Variants in SYT2 observed in about 807,000 individuals in gnomAD.
SYT2 encodes synaptotagmin 2.
In SYT2, 15 loss-of-function variants were observed where a neutral mutation model predicts 39.9. The ratio of observed to expected loss-of-function variants is 0.38; its 90% CI spans 0.25 to 0.58. SYT2 has a LOEUF of 0.58. Ranked by LOEUF, SYT2 falls within the 20% of genes least tolerant of loss-of-function variation. The pLI, the probability that SYT2 is intolerant of heterozygous loss-of-function variation, is 0.70. For synonymous variants in SYT2, 181 were observed against 204.5 expected (o/e 0.89, Z 0.98); for missense variants, 389 against 530.3 (o/e 0.73, Z 2.62).
intron 8 of SYT2, among the ~76,000 whole-genome samples, chr1:202,597,983 C>T (rs771283699): frequency 5.9e-5 from 9 of 152,326 alleles, no homozygotes; most frequent in Middle Eastern, 6.8e-3. Flanking sequence ...GGAAGCCTCA[C>T]TACAGTCCTC....
intron 1 of SYT2, among the ~76,000 whole-genome samples, chr1:202,693,669 C>G (rs1426548817): frequency 1.3e-5 from 2 of 152,176 alleles, no homozygotes; most frequent in Non-Finnish European, 2.9e-5. Flanking sequence ...AGTCCAGGAT[C>G]ATGACTGTGA....
chr1:202,644,729 T>TG lies in SYT2; in HGVS notation c.-17-38941dup, dbSNP rs369469224. Among the ~76,000 whole-genome samples, 323 of 150,758 alleles carry TG rather than the reference T, an allele frequency of 2.1e-3. 4 individuals carry two copies. In the East Asian group the frequency reaches 0.023, roughly 11 times the overall value. On this transcript the variant is annotated intron_variant, in intron 1 of 8. Transcript: ENST00000367268. ...ACAAAAATCCAGTGTGCATGTGTGT[T>TG]GGGGGGGGCAGTCACTCAGGGCTTT...
intron 1 of SYT2, among the ~76,000 whole-genome samples, chr1:202,678,882 C>A (rs896694110): frequency 6.6e-6 from 1 of 152,144 alleles, no homozygotes; most frequent in Non-Finnish European, 1.5e-5. Flanking sequence ...CTCCACCCCC[C>A]ACCCAACTAC....
At chr1:202,650,779 A>G (rs1330768575) in intron 1 of SYT2, among the ~76,000 whole-genome samples, 1 of 152,178 alleles carries the variant, frequency 6.6e-6, no homozygotes, top group Non-Finnish European at 1.5e-5. Context: ...AAGACCGTGG[A>G]GCCGGAGCCC....
At chr1:202,648,719 TG>T (rs1458446456) in intron 1 of SYT2, among the ~76,000 whole-genome samples, 1 of 152,152 alleles carries the variant, frequency 6.6e-6, no homozygotes, top group Non-Finnish European at 1.5e-5. Flanking sequence ...GGGATAAACT[TG>T]AACTGTGTTC....
chr1:202,617,662 C>G (rs1691083490), intron 1 of SYT2, among the ~76,000 whole-genome samples: 2 of 152,196 alleles, frequency 1.3e-5, no homozygotes, highest in Admixed American at 6.5e-5. Context: ...TCCCCACACC[C>G]ATGGCTCCCT....
chr1:202,624,945 A>AGT (rs1394057734), intron 1 of SYT2, among the ~76,000 whole-genome samples: 9 of 148,994 alleles, frequency 6.0e-5, no homozygotes, highest in African/African-American at 1.8e-4. Flanking sequence ...GTGTTTGTGT[A>AGT]GTGTGTGTGG....
intron 1 of SYT2, among the ~76,000 whole-genome samples, chr1:202,647,061 C>T (rs1216459426): frequency 6.6e-6 from 1 of 152,200 alleles, no homozygotes; most frequent in Non-Finnish European, 1.5e-5. Flanking sequence ...GTGGTACAGG[C>T]ATTGGCAGAG....
Position 202,599,080 on chromosome 1 carries a change from C to T in SYT2, c.1053+138G>A. On this transcript the variant is annotated intron_variant, in intron 8 of 8. Coordinates refer to ENST00000367268, the MANE Select transcript of SYT2 (RefSeq NM_177402.5). The surrounding 1 kb of genome is among the most constrained non-coding windows in gnomAD (Gnocchi z 4.4). ...ACTTGGGAAGGAGGCCCCACCCAGGCACCATTAGACCTCGAGCCTTCCCCT... is the reference window on the plus strand; with the variant it reads ...ACTTGGGAAGGAGGCCCCACCCAGGTACCATTAGACCTCGAGCCTTCCCCT... The T allele has an allele frequency of 8.5e-7, 1 of 1,170,614 alleles. No individual in the cohort carries two copies. Among genetic ancestry groups the T allele is most frequent in the Non-Finnish European group, 1.2e-6 (1 of 828,670 alleles). The allele number at this position is 1,170,614 out of a possible 1,614,324, so 72.5% of individuals were successfully genotyped here. A position where few individuals can be genotyped will look rare whatever the true frequency, so the allele number is the denominator to read the frequency against.
At chr1:202,708,234 T>A (rs1460043308) in intron 1 of SYT2, among the ~76,000 whole-genome samples, 1 of 151,558 alleles carries the variant, frequency 6.6e-6, no homozygotes, top group African/African-American at 2.4e-5. Context: ...ATCACCCCCT[T>A]CCCCCAAAAG....
At chr1:202,644,918 C>T (rs1458655907) in intron 1 of SYT2, among the ~76,000 whole-genome samples, 3 of 152,206 alleles carry the variant, frequency 2.0e-5, no homozygotes, top group Non-Finnish European at 4.4e-5. Context: ...TGCTCCTGGC[C>T]GGGCTGGAGC....
chr1:202,627,043 A>G (rs35627280), intron 1 of SYT2, among the ~76,000 whole-genome samples: 47,321 of 152,116 alleles, frequency 0.31, 7,877 homozygotes, highest in African/African-American at 0.4. Context: ...GTTACCCACA[A>G]CGAGGGGTGC....
chr1:202,691,150 G>C (rs1036567008), intron 1 of SYT2, among the ~76,000 whole-genome samples: 2 of 152,156 alleles, frequency 1.3e-5, no homozygotes, highest in Non-Finnish European at 2.9e-5. Context: ...GGAGATAGGC[G>C]GTAACCTAAA....
chr1:202,645,103 G>A (rs1172797407), intron 1 of SYT2, among the ~76,000 whole-genome samples: 20 of 152,316 alleles, frequency 1.3e-4, no homozygotes, highest in Non-Finnish European at 2.6e-4. Flanking sequence ...ACATGCCTGA[G>A]CCCCTCTAGT....
chr1:202,681,645 C>T (rs1369354113), intron 1 of SYT2, among the ~76,000 whole-genome samples: 1 of 152,176 alleles, frequency 6.6e-6, no homozygotes, highest in Non-Finnish European at 1.5e-5. Flanking sequence ...GATCGGTGGG[C>T]AGGGATGTTG....
At chr1:202,644,965 C>A (rs1383611153) in intron 1 of SYT2, among the ~76,000 whole-genome samples, 1 of 152,190 alleles carries the variant, frequency 6.6e-6, no homozygotes, top group Non-Finnish European at 1.5e-5. Flanking sequence ...TTGTCACAGA[C>A]CCTGGACTGC....
intron 1 of SYT2, among the ~76,000 whole-genome samples, chr1:202,698,714 A>G (rs1654036614): frequency 6.6e-6 from 1 of 152,164 alleles, no homozygotes; most frequent in Admixed American, 6.5e-5. Context: ...GGTGGATAGG[A>G]ATAGGAAATA....
intron 1 of SYT2, chr1:202,636,590 C>T (rs1474842944): frequency 6.4e-6 from 1 of 157,112 alleles, no homozygotes; most frequent in Non-Finnish European, 1.4e-5. Context: ...AGTGGGTTCA[C>T]TGGATTCTAG....
In SYT2 at chr1:202,601,843, C is replaced by T; in HGVS notation, c.801+47G>A. On this transcript the variant is annotated intron_variant, in intron 6 of 8. Coordinates refer to ENST00000367268, the MANE Select transcript of SYT2 (RefSeq NM_177402.5). This position sits in a 1 kb window ranked among gnomAD's most constrained non-coding sequence, Gnocchi z 4.0. Reference sequence around the variant, plus strand: ...ATCATGCCAAGAGGTGGAAGCCCACCTGTACATTCGTCTTTCTGCCCAACC... The same window carrying T: ...ATCATGCCAAGAGGTGGAAGCCCACTTGTACATTCGTCTTTCTGCCCAACC... 2 of 1,589,402 alleles carry T rather than the reference C, an allele frequency of 1.3e-6. No individual in the cohort carries two copies. Among genetic ancestry groups the T allele is most frequent in the Non-Finnish European group, 1.7e-6 (2 of 1,165,650 alleles).
Sources: gnomAD v4.1 joint callset for allele counts (sites outside exome capture counted in the v4.1 genomes callset) on GRCh38, gnomAD v4.1.1 for gene constraint, Gnocchi (gnomAD v3.1) non-coding constraint, MANE v1.5 for transcripts, NCBI Gene and HGNC (gene_info 2026-07-23, HGNC 2026-07-21) for gene names.